GALNT15: variants seen among roughly 807,000 people sequenced by gnomAD.
GALNT15 encodes the protein UDP-GalNAc transferase T15.
In GALNT15, 67 loss-of-function variants were observed where a neutral mutation model predicts 66.8. The ratio of observed to expected loss-of-function variants is 1.00; its 90% confidence interval spans 0.82 to 1.23. GALNT15 has a LOEUF of 1.23. Ranked by LOEUF, GALNT15 falls within the 50% of genes most tolerant of loss-of-function variation. GALNT15 has a pLI of 0.00. For missense variants in GALNT15, 827 were observed against 804.3 expected, an observed-to-expected ratio of 1.03 and a Z score of -0.34; for synonymous variants, 313 against 311.5, an observed-to-expected ratio of 1.00 and a Z score of -0.05.
rs112059831 is a variant in GALNT15, at chr3:16,183,893, T to C, written c.539+8203T>C. On this transcript the variant is annotated intron_variant, in intron 1 of 9. Transcript: ENST00000339732. This position sits in a 1 kb window ranked among gnomAD's most constrained non-coding sequence, Gnocchi z 5.2. The stretch of plus-strand genomic sequence containing the variant: ...TGCATTTTTCCAAGTTCACAGGGGA[T>C]CCTGGAGCTGCAGGAAAAGAGGGTG... 6.6e-6 allele frequency among the ~76,000 whole-genome samples: 1 copy of C among 152,166 alleles called. No individual in the cohort carries two copies. The highest frequency in any genetic ancestry group is 2.4e-5 in the African/African-American group (1 of 41,430).
the GALNT15 span, among the ~76,000 whole-genome samples, chr3:16,244,633 A>G: frequency 6.6e-6 from 1 of 152,212 alleles, no homozygotes; most frequent in African/African-American, 2.4e-5. Flanking sequence ...TTGAGCCCCC[A>G]CAAAGCAGCC....
rs755785090 is a variant in GALNT15 at position 16,208,677 on chromosome 3, C to A, written c.1079+7C>A. 7 of 1,611,916 alleles carry A rather than the reference C, an allele frequency of 4.3e-6. No individual in the cohort carries two copies. The highest frequency in any genetic ancestry group is 4.0e-5 in the African/African-American group (3 of 74,874). On this transcript the variant is annotated splice_region_variant and intron_variant, in intron 4 of 9. Coordinates refer to ENST00000339732, the MANE Select transcript of GALNT15 (RefSeq NM_054110.5). ...CCCCCATAAGCCCCATCAGGTGAGT[C>A]CCCATTTCACACCTGCTTTGCCATT... is the stretch of plus-strand genomic sequence containing the variant.
chr3:16,214,530 T>A (rs2063852193), intron 6 of GALNT15, among the ~76,000 whole-genome samples: 1 of 152,146 alleles, frequency 6.6e-6, no homozygotes, highest in South Asian at 2.1e-4. Flanking sequence ...ATTAATACCA[T>A]CGTTATTGTC....
In GALNT15 at chr3:16,200,443, A is replaced by C. The variant is rs1441781731; in HGVS notation, c.707-176A>C. Among the ~76,000 whole-genome samples, 3 of 152,184 alleles carry C rather than the reference A, an allele frequency of 2.0e-5. No individual in the cohort carries two copies. Among genetic ancestry groups the C allele is most frequent in the African/African-American group, 7.2e-5 (3 of 41,440 alleles). On this transcript the variant is annotated intron_variant, in intron 2 of 9. Transcript: ENST00000339732. This position sits in a 1 kb window ranked among gnomAD's most constrained non-coding sequence, Gnocchi z 4.4. ...ACTGGAGAGAATCATGGCCCACCCC[A>C]ACCTAACCAAGCATCTTACATCTCA...
At position 16,203,543 on chromosome 3, in the gene GALNT15, TCACACA is replaced by T. The variant is rs1164976010; in HGVS notation, c.911+2761_911+2766del. ...CATTCTCTCTCTCTCTCTCTCTCTC[TCACACA>T]CACACACACACACACACACACACAC... On this transcript the variant is annotated intron_variant, in intron 3 of 9. Coordinates refer to ENST00000339732, the MANE Select transcript of GALNT15 (RefSeq NM_054110.5). This position sits in a 1 kb window ranked among gnomAD's most constrained non-coding sequence, Gnocchi z 6.2. Among the ~76,000 whole-genome samples, 61 of 61,146 alleles carry T rather than the reference TCACACA, an allele frequency of 1.0e-3. No homozygotes were observed. Among genetic ancestry groups the T allele is most frequent in the African/African-American group, 2.3e-3 (43 of 18,314 alleles). 40.1% of individuals were successfully genotyped at this position (61,146 alleles called of 152,430 possible).
In GALNT15 at chr3:16,188,842, C is replaced by T. The variant is rs148009849; in HGVS notation, c.540-6918C>T. 3.9e-3 allele frequency among the ~76,000 whole-genome samples: 593 copies of T among 152,192 alleles called. 1 individual carries two copies. The highest frequency in any genetic ancestry group is 0.015 in the South Asian group (73 of 4,816). ...AAAGCAGATGACAGGTCCTTAGCAC[C>T]ATTTCCCTCTCTGTCCTCACTTCCA... On this transcript the variant is annotated intron_variant, in intron 1 of 9. Transcript: ENST00000339732. The surrounding 1 kb of genome is among the most constrained non-coding windows in gnomAD (Gnocchi z 4.6).
intron 6 of GALNT15, among the ~76,000 whole-genome samples, chr3:16,214,785 AGAG>A (rs908478693): frequency 5.9e-5 from 9 of 152,156 alleles, no homozygotes; most frequent in African/African-American, 2.2e-4. Context: ...TCAGACATCC[AGAG>A]GAGGAGTTGG....
In GALNT15 at chr3:16,187,295, C is replaced by A. The variant is rs535624772; in HGVS notation, c.540-8465C>A. ...AAAATTAGTGATTTCAAACAATAAC[C>A]ATTTCTATGTTATGGTTCTATAATT... On this transcript the variant is annotated intron_variant, in intron 1 of 9. Coordinates refer to ENST00000339732, the MANE Select transcript of GALNT15 (RefSeq NM_054110.5). The surrounding 1 kb of genome is among the most constrained non-coding windows in gnomAD (Gnocchi z 5.1). Among the ~76,000 whole-genome samples the A allele has an allele frequency of 3.3e-5, 5 of 152,056 alleles. No homozygotes were observed. The highest frequency in any genetic ancestry group is 7.4e-5 in the Non-Finnish European group (5 of 68,024).
chr3:16,210,431 C>T (rs1430658722), intron 4 of GALNT15, among the ~76,000 whole-genome samples: 3 of 152,172 alleles, frequency 2.0e-5, no homozygotes, highest in African/African-American at 7.2e-5. Flanking sequence ...TAGTCATTTA[C>T]ACTTTGAAAA....
the GALNT15 span, among the ~76,000 whole-genome samples, chr3:16,240,063 C>CAG: frequency 6.6e-6 from 1 of 152,222 alleles, no homozygotes; most frequent in Non-Finnish European, 1.5e-5. Context: ...TCAGAAAGCA[C>CAG]AGAAGGTAAT....
the GALNT15 span, among the ~76,000 whole-genome samples, chr3:16,238,189 A>C: frequency 2.0e-5 from 3 of 152,192 alleles, no homozygotes; most frequent in Non-Finnish European, 2.9e-5. This position sits in a 1 kb window ranked among gnomAD's most constrained non-coding sequence, Gnocchi z 4.8. Flanking sequence ...TGGAGGAGAA[A>C]AAACCAGGAG....
At position 16,203,586 on chromosome 3, in the gene GALNT15, CACAG is replaced by C. The variant is rs10578044; in HGVS notation, c.911+2764_911+2767del. On this transcript the variant is annotated intron_variant, in intron 3 of 9. Coordinates refer to ENST00000339732, the MANE Select transcript of GALNT15 (RefSeq NM_054110.5). This position sits in a 1 kb window ranked among gnomAD's most constrained non-coding sequence, Gnocchi z 6.2. ...ACACACACACACACACACACACACA[CACAG>C]TGGGCCTCTGATCCTGGTGTGTTAC... is the stretch of plus-strand genomic sequence containing the variant. Among the ~76,000 whole-genome samples the C allele has an allele frequency of 0.13, 9,017 of 70,714 alleles. 375 individuals are homozygous for C. Among genetic ancestry groups the C allele is most frequent in the Non-Finnish European group, 0.17 (5,183 of 30,468 alleles). The allele number at this position is 70,714 out of a possible 152,430, so 46.4% of individuals were successfully genotyped here.
At chr3:16,235,711 C>T (rs530078949), downstream of GALNT15, among the ~76,000 whole-genome samples, 13 of 152,174 alleles carry the variant, frequency 8.5e-5, no homozygotes, top group African/African-American at 2.4e-4. Context: ...TAATGACTTT[C>T]GTAGTATGTT....
At chr3:16,237,208 G>T in the GALNT15 span, among the ~76,000 whole-genome samples, 30 of 152,182 alleles carry the variant, frequency 2.0e-4, no homozygotes, top group Middle Eastern at 3.2e-3. This position sits in a 1 kb window ranked among gnomAD's most constrained non-coding sequence, Gnocchi z 4.2. Flanking sequence ...TCAAGCCAAG[G>T]AAAGGGACTT....
At chr3:16,222,943 C>A (rs1182292456) in intron 9 of GALNT15, among the ~76,000 whole-genome samples, 185 bp downstream of exon 9, 1 of 152,136 alleles carries the variant, frequency 6.6e-6, no homozygotes, top group Non-Finnish European at 1.5e-5. Context: ...AAAGTTGGCC[C>A]ACTGGCATCT....
rs2063690909 is a variant in GALNT15, at chr3:16,200,706, G to A, written c.794G>A (p.Arg265Lys). The A allele has an allele frequency of 1.2e-6, 2 of 1,611,268 alleles. No homozygotes were observed. Among genetic ancestry groups the A allele is most frequent in the Admixed American group, 3.4e-5 (2 of 59,630 alleles). ...AGCAACAAGAGGCTGGGTGCCATCAGGGCCCGGATGCTGGGGGCCACCAGA... is the reference window on the plus strand; with the variant it reads ...AGCAACAAGAGGCTGGGTGCCATCAAGGCCCGGATGCTGGGGGCCACCAGA... ...LRSNKRLGAIRARMLGATRAT... is the reference protein window; with the variant it reads ...LRSNKRLGAIKARMLGATRAT... Residue 265 changes from arginine (R) to lysine (K), a missense_variant, in exon 3 of 10, where the codon AGG (arginine) becomes AAG (lysine). By Grantham distance (26) the Arg-to-Lys change is conservative (BLOSUM62 2). Coordinates refer to ENST00000339732, the MANE Select transcript of GALNT15 (RefSeq NM_054110.5). This position sits in a 1 kb window ranked among gnomAD's most constrained non-coding sequence, Gnocchi z 4.4.
In GALNT15 at chr3:16,211,200, A is replaced by G. The variant is rs1189211430; in HGVS notation, c.1156A>G (p.Met386Val). The G allele has an allele frequency of 1.2e-6, 2 of 1,613,768 alleles. No individual in the cohort carries two copies. The stretch of plus-strand genomic sequence containing the variant: ...AAACACTGGAGCGTATGACTCTCTT[A>G]TGTCGCTGCGAGGTGGTGAAAACCT... ...FQNTGAYDSL[M>V]SLRGGENLEL... The change falls in exon 5 of 10, where the codon ATG (methionine) becomes GTG (valine). Residue 386 changes from methionine (M) to valine (V), a missense_variant. Physicochemically the swap from Met to Val is conservative, Grantham distance 21 (BLOSUM62 1). Transcript: ENST00000339732. The surrounding 1 kb of genome is among the most constrained non-coding windows in gnomAD (Gnocchi z 4.3).
At chr3:16,247,499 C>T in the GALNT15 span, among the ~76,000 whole-genome samples, 1 of 152,216 alleles carries the variant, frequency 6.6e-6, no homozygotes, top group Non-Finnish European at 1.5e-5. Context: ...AGTGGCAGAA[C>T]TAAAACAGGA....
At chr3:16,218,350 G>T (rs1033729684) in intron 6 of GALNT15, among the ~76,000 whole-genome samples, 1 of 152,174 alleles carries the variant, frequency 6.6e-6, no homozygotes, top group Non-Finnish European at 1.5e-5. Context: ...CCAGGAAAGG[G>T]TTCTCTCTTT....
Sources: allele counts gnomAD v4.1 joint callset (sites outside exome capture counted in the v4.1 genomes callset), GRCh38; gene constraint gnomAD v4.1.1; non-coding constraint Gnocchi (gnomAD v3.1); transcripts MANE v1.5; gene names NCBI Gene and HGNC (gene_info 2026-07-23, HGNC 2026-07-21).